The following FBXL2 variants were observed in gnomAD, a reference collection of about 807,000 sequenced individuals.
FBXL2 encodes F-box/LRR-repeat protein 2.
A neutral mutation model predicts 69.2 loss-of-function variants in FBXL2; 38 were observed. The ratio of observed to expected loss-of-function variants is 0.55; its 90% confidence interval spans 0.42 to 0.72. FBXL2 has a LOEUF of 0.72. Ranked by LOEUF, FBXL2 falls within the 30% of genes least tolerant of loss-of-function variation. The pLI is 0.00. For synonymous variants in FBXL2, 192 were observed against 201.3 expected (o/e 0.95, Z 0.39); for missense variants, 354 against 520.3 (o/e 0.68, Z 3.11).
chr3:33,303,750 ATTC>A (rs1157516069), intron 2 of FBXL2, among the ~76,000 whole-genome samples: 1 of 152,122 alleles, frequency 6.6e-6, no homozygotes, highest in Non-Finnish European at 1.5e-5. Flanking sequence ...CAAGGGCATT[ATTC>A]TTCAATATGC....
downstream of FBXL2, chr3:33,392,154 C>T (rs2043793270): frequency 6.3e-6 from 1 of 159,396 alleles, no homozygotes; most frequent in East Asian, 1.8e-4. Context: ...TCTCCCTTAT[C>T]CATAAGTACC....
intron 12 of FBXL2, among the ~76,000 whole-genome samples, chr3:33,395,492 C>G (rs761202535): frequency 2.0e-5 from 3 of 151,772 alleles, no homozygotes; most frequent in Non-Finnish European, 4.4e-5. Context: ...GAGGGAGAAG[C>G]CAAGATTATC....
chr3:33,305,097 A>G (rs762599109), intron 2 of FBXL2, among the ~76,000 whole-genome samples: 2 of 151,798 alleles, frequency 1.3e-5, no homozygotes, highest in Non-Finnish European at 2.9e-5. Flanking sequence ...TTCACATTCT[A>G]AGGCATTTTT....
intron 2 of FBXL2, among the ~76,000 whole-genome samples, chr3:33,334,522 A>G (rs2039411563): frequency 6.6e-6 from 1 of 152,210 alleles, no homozygotes; most frequent in Non-Finnish European, 1.5e-5. Context: ...AAGATAGAAA[A>G]AATTAACACA....
At chr3:33,411,495 A>C in the FBXL2 span, 1 of 1,132,598 alleles carries the variant, frequency 8.8e-7, no homozygotes, top group Non-Finnish European at 1.3e-6. Flanking sequence ...AGACATTTAA[A>C]GGAAATGATA....
At chr3:33,294,620 G>T (rs765206874) in intron 1 of FBXL2, among the ~76,000 whole-genome samples, 10 of 152,054 alleles carry the variant, frequency 6.6e-5, no homozygotes, top group Non-Finnish European at 1.3e-4. Context: ...AGAAGGATCA[G>T]TTGAGCCCAG....
At chr3:33,305,451 G>C (rs2036628274) in intron 2 of FBXL2, among the ~76,000 whole-genome samples, 1 of 151,736 alleles carries the variant, frequency 6.6e-6, no homozygotes, top group African/African-American at 2.4e-5. Flanking sequence ...AGTATTTTCT[G>C]TGTGTCAATA....
At chr3:33,361,949 A>G (rs2041655741) in intron 4 of FBXL2, among the ~76,000 whole-genome samples, 1 of 152,210 alleles carries the variant, frequency 6.6e-6, no homozygotes, top group Non-Finnish European at 1.5e-5. Flanking sequence ...AGAAAAGAGA[A>G]GTTGCCAAGG....
chr3:33,395,879 A>T (rs1335506126), intron 12 of FBXL2, among the ~76,000 whole-genome samples: 1 of 149,844 alleles, frequency 6.7e-6, no homozygotes, highest in Admixed American at 6.6e-5. Context: ...AACTCAATGC[A>T]TTCAAGCTAG....
At chr3:33,346,483 C>T (rs1167964838) in intron 2 of FBXL2, among the ~76,000 whole-genome samples, 2 of 151,844 alleles carry the variant, frequency 1.3e-5, no homozygotes, top group Admixed American at 6.6e-5. Flanking sequence ...CCCTTGAGCC[C>T]AGGATTTCAA....
intron 2 of FBXL2, among the ~76,000 whole-genome samples, chr3:33,306,293 G>A (rs1310201293): frequency 1.3e-5 from 2 of 151,972 alleles, no homozygotes; most frequent in East Asian, 1.9e-4. Context: ...TATAGTCAGA[G>A]AACTACACAA....
rs187839278 is a variant in FBXL2 at position 33,375,217 on chromosome 3, A to G, written c.658-71A>G. 2.0e-4 allele frequency: 310 copies of G among 1,573,730 alleles called. 2 individuals carry two copies. In the African/African-American group the frequency reaches 4.0e-3, roughly 20 times the overall value. Reference sequence around the variant, plus strand: ...CAACCAAAACTGAACAACAGCAGATACTTTTCTGCTGCTCCCGTTTTGGTA... The same window carrying G: ...CAACCAAAACTGAACAACAGCAGATGCTTTTCTGCTGCTCCCGTTTTGGTA... On this transcript the variant is annotated intron_variant, in intron 9 of 14. Coordinates refer to ENST00000484457, the MANE Select transcript of FBXL2 (RefSeq NM_012157.5).
At position 33,362,475 on chromosome 3, in the gene FBXL2, G is replaced by A. The variant is rs190281440; in HGVS notation, c.196-2150G>A. ...ACTGGCTTGAATATTGCACTGAAAT[G>A]GATTTGCATTTTCCCCCTCTTAGTT... On this transcript the variant is annotated intron_variant, in intron 4 of 14. Transcript: ENST00000484457. 1.3e-3 allele frequency among the ~76,000 whole-genome samples: 202 copies of A among 151,270 alleles called. 2 individuals carry two copies. Among genetic ancestry groups the A allele is most frequent in the African/African-American group, 4.7e-3 (194 of 41,362 alleles).
In FBXL2 at chr3:33,387,521, G is replaced by GA. The variant is rs2043525021; in HGVS notation, c.*1915dup. On this transcript the variant is annotated 3_prime_UTR_variant, in exon 15 of 15. Coordinates refer to ENST00000484457, the MANE Select transcript of FBXL2 (RefSeq NM_012157.5). ...GGAGGCTGAAGCAGGAGAAATGCTGGAACCCAGGAGGCGGAGGTGGCAGTG... is the reference window on the plus strand; with the variant it reads ...GGAGGCTGAAGCAGGAGAAATGCTGGAAACCCAGGAGGCGGAGGTGGCAGTG... The GA allele has an allele frequency of 6.6e-6, 1 of 152,252 alleles. No homozygotes were observed. Among genetic ancestry groups the GA allele is most frequent in the Non-Finnish European group, 1.5e-5 (1 of 68,118 alleles). 9.4% of individuals were successfully genotyped at this position (152,252 alleles called of 1,614,324 possible).
chr3:33,384,783 C>G (rs796167063), intron 14 of FBXL2, among the ~76,000 whole-genome samples: 20 of 152,196 alleles, frequency 1.3e-4, no homozygotes, highest in African/African-American at 4.8e-4. Context: ...GCTCACGACT[C>G]TAATCCCAGC....
intron 5 of FBXL2, chr3:33,372,890 T>A: frequency 3.2e-6 from 2 of 615,592 alleles, no homozygotes; most frequent in Non-Finnish European, 5.8e-6. Context: ...TGGCATCACC[T>A]GGGAGTTTCT....
intron 2 of FBXL2, among the ~76,000 whole-genome samples, chr3:33,352,827 G>A (rs764573967): frequency 1.1e-4 from 17 of 152,036 alleles, no homozygotes; most frequent in Admixed American, 3.3e-4. Flanking sequence ...TACGGGAGGC[G>A]GTGGTTGCAG....
chr3:33,302,334 G>C (rs1197503044), intron 2 of FBXL2, among the ~76,000 whole-genome samples: 1 of 151,990 alleles, frequency 6.6e-6, no homozygotes, highest in Non-Finnish European at 1.5e-5. Context: ...GTGGTGGTGT[G>C]ACACCTGATT....
chr3:33,293,250 C>T (rs566190451), intron 1 of FBXL2, among the ~76,000 whole-genome samples: 33 of 152,228 alleles, frequency 2.2e-4, no homozygotes, highest in Non-Finnish European at 4.3e-4. Context: ...CTGTCTTAGG[C>T]ACTTTACGTT....
Sources: gnomAD v4.1 joint callset for allele counts (sites outside exome capture counted in the v4.1 genomes callset) on GRCh38, gnomAD v4.1.1 for gene constraint, MANE v1.5 for transcripts, NCBI Gene and HGNC (gene_info 2026-07-23, HGNC 2026-07-21) for gene names.